Variants in CSNK2A2IP observed in about 807,000 individuals in gnomAD.
CSNK2A2IP encodes the protein casein kinase II subunit alpha'-interacting protein.
the CSNK2A2IP span, among the ~76,000 whole-genome samples, chr3:88,410,804 G>A: frequency 0.022 from 3,378 of 152,058 alleles, 126 homozygotes; most frequent in East Asian, 0.2. Flanking sequence ...TATGAATTCT[G>A]ATGATAAAAA....
the CSNK2A2IP span, among the ~76,000 whole-genome samples, chr3:88,419,770 G>A: frequency 8.5e-5 from 13 of 152,204 alleles, no homozygotes; most frequent in African/African-American, 1.9e-4. Context: ...TCTTGAATAC[G>A]AAGATTTAAT....
chr3:88,391,886 A>T, the CSNK2A2IP span, among the ~76,000 whole-genome samples: 9 of 152,182 alleles, frequency 5.9e-5, no homozygotes, highest in Non-Finnish European at 7.4e-5. Flanking sequence ...TTCAGGAAAG[A>T]TGACTCTGAA....
the CSNK2A2IP span, among the ~76,000 whole-genome samples, chr3:88,362,633 T>A: frequency 9.2e-5 from 14 of 152,288 alleles, no homozygotes; most frequent in Non-Finnish European, 1.6e-4. Context: ...TGGCTGCTCC[T>A]GATGTTTATT....
At chr3:88,464,898 A>T in the CSNK2A2IP span, among the ~76,000 whole-genome samples, 1 of 152,188 alleles carries the variant, frequency 6.6e-6, no homozygotes, top group Admixed American at 6.5e-5. Context: ...TCTATTTTAC[A>T]GATGATGAAT....
At chr3:88,416,082 C>A in the CSNK2A2IP span, among the ~76,000 whole-genome samples, 1 of 151,606 alleles carries the variant, frequency 6.6e-6, no homozygotes, top group African/African-American at 2.4e-5. Context: ...ACCATCCTGG[C>A]CAACATGGTG....
chr3:88,381,225 C>T, the CSNK2A2IP span, among the ~76,000 whole-genome samples: 3 of 152,142 alleles, frequency 2.0e-5, no homozygotes, highest in East Asian at 5.8e-4. Flanking sequence ...AAATGTGTTC[C>T]TTGAGAGAAA....
At chr3:88,455,745 C>T in the CSNK2A2IP span, among the ~76,000 whole-genome samples, 1 of 151,712 alleles carries the variant, frequency 6.6e-6, no homozygotes, top group Non-Finnish European at 1.5e-5. Flanking sequence ...GTCATCTGTG[C>T]CTTTGGCATC....
At chr3:88,385,539 T>C in the CSNK2A2IP span, among the ~76,000 whole-genome samples, 1 of 152,252 alleles carries the variant, frequency 6.6e-6, no homozygotes, top group Non-Finnish European at 1.5e-5. Context: ...CTTTTCTAAA[T>C]GATTTGAAAT....
the CSNK2A2IP span, among the ~76,000 whole-genome samples, chr3:88,463,394 G>A: frequency 6.6e-6 from 1 of 152,076 alleles, no homozygotes; most frequent in Non-Finnish European, 1.5e-5. Context: ...AGTGATAGAT[G>A]CTTGTATCAC....
the CSNK2A2IP span, among the ~76,000 whole-genome samples, chr3:88,389,235 T>TAA: frequency 2.5e-3 from 367 of 148,958 alleles, 8 homozygotes; most frequent in East Asian, 0.022. Context: ...ACATTTAATT[T>TAA]AAAAAAAAAA....
At chr3:88,372,126 T>TA in the CSNK2A2IP span, among the ~76,000 whole-genome samples, 1 of 151,710 alleles carries the variant, frequency 6.6e-6, no homozygotes, top group Non-Finnish European at 1.5e-5. Context: ...TATTTATAGC[T>TA]ATCTCTTAAT....
chr3:88,441,193 T>C, the CSNK2A2IP span, among the ~76,000 whole-genome samples: 1 of 152,182 alleles, frequency 6.6e-6, no homozygotes, highest in Non-Finnish European at 1.5e-5. Context: ...TGTTTTTCCT[T>C]TCTAAGGTAT....
At chr3:88,444,887 A>G in the CSNK2A2IP span, among the ~76,000 whole-genome samples, 1 of 152,182 alleles carries the variant, frequency 6.6e-6, no homozygotes, top group Admixed American at 6.5e-5. Context: ...CTTTGTTTGC[A>G]CAGCTGCTTT....
At chr3:88,407,506 T>C in the CSNK2A2IP span, among the ~76,000 whole-genome samples, 2 of 152,056 alleles carry the variant, frequency 1.3e-5, no homozygotes, top group Non-Finnish European at 2.9e-5. Flanking sequence ...AAATAACCTC[T>C]TTTCACTTTT....
the CSNK2A2IP span, among the ~76,000 whole-genome samples, chr3:88,462,617 G>T: frequency 6.6e-6 from 1 of 152,176 alleles, no homozygotes; most frequent in Non-Finnish European, 1.5e-5. Flanking sequence ...AGTGAATTAA[G>T]ATATGGAAGT....
At chr3:88,448,407 C>T in the CSNK2A2IP span, among the ~76,000 whole-genome samples, 2 of 152,158 alleles carry the variant, frequency 1.3e-5, no homozygotes, top group African/African-American at 4.8e-5. Context: ...CTATCTCTAT[C>T]TAAACCAATT....
At chr3:88,375,518 T>A in the CSNK2A2IP span, among the ~76,000 whole-genome samples, 2 of 151,742 alleles carry the variant, frequency 1.3e-5, no homozygotes. Flanking sequence ...GGTCTGTCAG[T>A]GATCTAGTCA....
chr3:88,357,271 T>A, the CSNK2A2IP span, among the ~76,000 whole-genome samples: 1 of 151,976 alleles, frequency 6.6e-6, no homozygotes, highest in African/African-American at 2.4e-5. Flanking sequence ...ATCCATTTCA[T>A]TTTTTTTATA....
chr3:88,466,516 A>G, the CSNK2A2IP span: 1 of 1,231,908 alleles, frequency 8.1e-7, no homozygotes. Flanking sequence ...AGCTGCTTCA[A>G]CATTAGGTTT....
Sources: gnomAD v4.1 joint callset for allele counts (sites outside exome capture counted in the v4.1 genomes callset) on GRCh38, gnomAD v4.1.1 for gene constraint, MANE v1.5 for transcripts, NCBI Gene and HGNC (gene_info 2026-07-23, HGNC 2026-07-21) for gene names.